GPC5: variants seen among roughly 807,000 people sequenced by gnomAD.
The protein encoded by GPC5 is glypican-5.
Under a neutral mutation model 53.9 loss-of-function variants are expected in GPC5, and 47 were observed. The ratio of observed to expected loss-of-function variants is 0.87; its 90% CI spans 0.69 to 1.11. GPC5 has a LOEUF of 1.11. Among genes scored for constraint, GPC5 ranks in the 50% most tolerant of loss-of-function variants. The probability of loss-of-function intolerance (pLI) is 0.00; values close to 1 mark genes in which losing one functional copy is unlikely to be tolerated. For missense variants in GPC5, 748 were observed against 713.1 expected, an observed-to-expected ratio of 1.05 and a Z score of -0.56; for synonymous variants, 286 against 263.3, an observed-to-expected ratio of 1.09 and a Z score of -0.84.
intron 7 of GPC5, among the ~76,000 whole-genome samples, chr13:92,810,801 A>G (rs1877267814): frequency 6.6e-6 from 1 of 151,936 alleles, no homozygotes; most frequent in Non-Finnish European, 1.5e-5. Flanking sequence ...GCTCACTGCA[A>G]CCTTTGCCTC....
chr13:92,363,538 TCTG>T lies in GPC5; in HGVS notation c.1561+218556_1561+218558del, dbSNP rs537276804. 4.2e-3 allele frequency among the ~76,000 whole-genome samples: 644 copies of T among 151,864 alleles called. 6 individuals carry two copies. Among genetic ancestry groups the T allele is most frequent in the Non-Finnish European group, 7.7e-3 (521 of 68,020 alleles). On this transcript the variant is annotated intron_variant, in intron 7 of 7. Transcript: ENST00000377067. The stretch of plus-strand genomic sequence containing the variant: ...GTTCTCTCTCCTATGAGAATCAAAT[TCTG>T]CTGCTGATCTAACATGAGGTGGAGA...
In GPC5 at chr13:92,118,484, T is replaced by C. The variant is rs144384223; in HGVS notation, c.1402-26346T>C. Among the ~76,000 whole-genome samples, 527 of 152,296 alleles carry C rather than the reference T, an allele frequency of 3.5e-3. 2 individuals carry two copies. Among genetic ancestry groups the C allele is most frequent in the African/African-American group, 0.012 (500 of 41,562 alleles). On this transcript the variant is annotated intron_variant, in intron 6 of 7. Transcript: ENST00000377067. ...TGCATTGCTGCCACTACACAGCTAG[T>C]ATCATGACAGCAGCTTCAGAACTAG...
At chr13:91,798,163 A>G (rs535000965) in intron 5 of GPC5, among the ~76,000 whole-genome samples, 3 of 152,168 alleles carry the variant, frequency 2.0e-5, no homozygotes. Flanking sequence ...CTCATTTAAA[A>G]ATTTCCAAAT....
chr13:91,937,672 G>A (rs1287451248), intron 6 of GPC5, among the ~76,000 whole-genome samples: 1 of 152,060 alleles, frequency 6.6e-6, no homozygotes, highest in Non-Finnish European at 1.5e-5. Flanking sequence ...TTCCAAGATT[G>A]GATAGACAGA....
At position 92,378,306 on chromosome 13, in the gene GPC5, A is replaced by C. The variant is rs138884810; in HGVS notation, c.1561+233317A>C. On this transcript the variant is annotated intron_variant, in intron 7 of 7. Transcript: ENST00000377067. Reference sequence around the variant, plus strand: ...CCAACTAAAACATATTAAGAATGACAATGAGACGATTGTATTATACAAAGG... The same window carrying C: ...CCAACTAAAACATATTAAGAATGACCATGAGACGATTGTATTATACAAAGG... 7.3e-3 allele frequency among the ~76,000 whole-genome samples: 1,119 copies of C among 152,320 alleles called. 9 individuals carry two copies. The highest frequency in any genetic ancestry group is 0.025 in the African/African-American group (1,049 of 41,562).
At chr13:92,567,956 G>A (rs746739012) in intron 7 of GPC5, among the ~76,000 whole-genome samples, 1 of 152,164 alleles carries the variant, frequency 6.6e-6, no homozygotes, top group Non-Finnish European at 1.5e-5. Context: ...GAAAGAAAAA[G>A]TGTAGAAATT....
At chr13:92,306,266 T>C (rs1396627939) in intron 7 of GPC5, among the ~76,000 whole-genome samples, 2 of 152,222 alleles carry the variant, frequency 1.3e-5, no homozygotes, top group East Asian at 3.9e-4. Context: ...TTTTAATCCC[T>C]CCTTTCCTTA....
intron 7 of GPC5, among the ~76,000 whole-genome samples, chr13:92,615,003 A>C (rs1234677172): frequency 6.6e-6 from 1 of 152,198 alleles, no homozygotes; most frequent in Non-Finnish European, 1.5e-5. Context: ...TAAATATAGA[A>C]AGCAAAATGA....
intron 7 of GPC5, among the ~76,000 whole-genome samples, chr13:92,823,035 C>A (rs1877726041): frequency 1.3e-5 from 2 of 151,316 alleles, no homozygotes; most frequent in Admixed American, 6.6e-5. Flanking sequence ...TTTTTTTCCA[C>A]TAAAAGATTA....
chr13:92,265,743 T>C (rs2042798235), intron 7 of GPC5, among the ~76,000 whole-genome samples: 1 of 152,162 alleles, frequency 6.6e-6, no homozygotes, highest in Non-Finnish European at 1.5e-5. Context: ...GTATTTGTTA[T>C]AGCAGCGCCC....
intron 7 of GPC5, among the ~76,000 whole-genome samples, chr13:92,324,552 A>G (rs28548240): frequency 0.01 from 1,534 of 152,040 alleles, 27 homozygotes; most frequent in Middle Eastern, 0.048. Context: ...TCATGTTTTA[A>G]TAACGATAAA....
intron 2 of GPC5, among the ~76,000 whole-genome samples, chr13:91,596,222 T>C (rs546112494): frequency 1.3e-5 from 2 of 152,296 alleles, no homozygotes; most frequent in East Asian, 3.9e-4. Flanking sequence ...TTCATTCTTA[T>C]AATTTTAATC....
At chr13:92,254,699 G>A (rs1356076097) in intron 7 of GPC5, among the ~76,000 whole-genome samples, 5 of 152,284 alleles carry the variant, frequency 3.3e-5, no homozygotes, top group East Asian at 1.9e-4. Flanking sequence ...CATGGCAGAA[G>A]GGGAAGCAAA....
chr13:91,970,416 G>T (rs2040230404), intron 6 of GPC5, among the ~76,000 whole-genome samples: 2 of 151,750 alleles, frequency 1.3e-5, no homozygotes, highest in South Asian at 2.1e-4. Context: ...CTTTAAATTT[G>T]CTAGGAGTAG....
intron 7 of GPC5, among the ~76,000 whole-genome samples, chr13:92,227,213 T>C (rs534893844): frequency 6.4e-4 from 97 of 152,082 alleles, no homozygotes; most frequent in African/African-American, 2.2e-3. Context: ...CTTGGTAGAG[T>C]GATTTAATGT....
At chr13:92,617,750 T>C (rs1009242455) in intron 7 of GPC5, among the ~76,000 whole-genome samples, 1 of 152,334 alleles carries the variant, frequency 6.6e-6, no homozygotes. Context: ...AACATAACAA[T>C]GAATATAATT....
intron 2 of GPC5, among the ~76,000 whole-genome samples, chr13:91,453,148 G>A (rs2139112808): frequency 6.6e-6 from 1 of 151,824 alleles, no homozygotes; most frequent in Middle Eastern, 3.4e-3. Context: ...TGAAAGATTG[G>A]CAAGCCTGTC....
intron 7 of GPC5, among the ~76,000 whole-genome samples, chr13:92,571,281 T>C (rs1241059878): frequency 6.6e-6 from 1 of 152,160 alleles, no homozygotes; most frequent in Admixed American, 6.5e-5. Flanking sequence ...TCCTGAAGTA[T>C]AGAGAGACAG....
At chr13:91,437,983 C>T (rs929486446) in intron 1 of GPC5, among the ~76,000 whole-genome samples, 19 of 152,254 alleles carry the variant, frequency 1.2e-4, no homozygotes, top group South Asian at 2.1e-4. Flanking sequence ...GCATTTGTCA[C>T]GTAGTTCTCG....
Sources: gnomAD v4.1 joint callset for allele counts (sites outside exome capture counted in the v4.1 genomes callset) on GRCh38, gnomAD v4.1.1 for gene constraint, MANE v1.5 for transcripts, NCBI Gene and HGNC (gene_info 2026-07-23, HGNC 2026-07-21) for gene names.